Variants in MED23 observed in about 807,000 individuals in gnomAD.
MED23 encodes the protein mediator complex subunit 23, also known as mediator of RNA polymerase II transcription subunit 23.
A neutral mutation model predicts 163.9 loss-of-function variants in MED23; 105 were observed. The observed-to-expected ratio is 0.64, with a 90% CI of 0.55 to 0.75. The LOEUF is 0.75. Among genes scored for constraint, MED23 ranks in the 30% least tolerant of loss-of-function variants. The probability of loss-of-function intolerance (pLI) is 0.00; values close to 1 mark genes in which losing one functional copy is unlikely to be tolerated. For missense variants in MED23, 1,054 were observed against 1,649.0 expected, an observed-to-expected ratio of 0.64 and a Z score of 6.25; for synonymous variants, 561 against 565.6, an observed-to-expected ratio of 0.99 and a Z score of 0.12.
chr6:131,586,324 C>CG (rs1562364356), downstream of MED23, among the ~76,000 whole-genome samples: 1 of 151,046 alleles, frequency 6.6e-6, no homozygotes, highest in African/African-American at 2.4e-5. Context: ...GGCGTGAACC[C>CG]GGGAGGTGGA....
chr6:131,626,976 T>C (rs1777546439), intron 3 of MED23: 1 of 157,932 alleles, frequency 6.3e-6, no homozygotes, highest in African/African-American at 2.4e-5. Flanking sequence ...CCTATCCTTA[T>C]TATAGAATCT....
chr6:131,623,297 C>G (rs548409769), intron 5 of MED23, 54 bp downstream of exon 5: 3 of 1,410,374 alleles, frequency 2.1e-6, no homozygotes, highest in Non-Finnish European at 2.0e-6. Context: ...ACATGCACAC[C>G]GAAAAATCAA....
Position 131,602,347 on chromosome 6 carries a change from A to G in MED23, c.1966T>C (p.Leu656=). The change falls in exon 17 of 29, where the codon TTA becomes CTA. Residue 656 remains leucine (L), a synonymous_variant. Transcript: ENST00000368068. ...TGCGGTTGTACCTCTGAGCTACCTA[A>G]TGCTGTTATAAGCCTGAGAGCAGTG... The part of the protein sequence containing the change: ...ESTALRLITA[L]GSSEVQPQFT... 1 of 1,613,896 alleles carries G rather than the reference A, an allele frequency of 6.2e-7. No individual in the cohort carries two copies. The highest frequency in any genetic ancestry group is 1.1e-5 in the South Asian group (1 of 91,066).
At chr6:131,615,259 A>G in intron 10 of MED23, 1 of 1,576,816 alleles carries the variant, frequency 6.3e-7, no homozygotes. Flanking sequence ...TCTAAATGGA[A>G]TCAGTGGCTA....
intron 6 of MED23, among the ~76,000 whole-genome samples, chr6:131,620,963 C>T (rs1227643492): frequency 2.0e-5 from 3 of 151,936 alleles, no homozygotes; most frequent in South Asian, 4.2e-4. Flanking sequence ...CCAGCAGGCC[C>T]GGCTAACTTT....
chr6:131,602,195 T>C (rs1775535489), intron 17 of MED23, 23 bp downstream of exon 17: 4 of 1,611,402 alleles, frequency 2.5e-6, no homozygotes, highest in Non-Finnish European at 3.4e-6. Flanking sequence ...CTGTTGTTGT[T>C]TGTAGTCACA....
chr6:131,617,255 T>C (rs1206330720), intron 9 of MED23, among the ~76,000 whole-genome samples: 2 of 151,590 alleles, frequency 1.3e-5, no homozygotes, highest in African/African-American at 4.8e-5. Flanking sequence ...AGCATTTTGA[T>C]AGAGTCAATG....
chr6:131,596,713 T>A, intron 20 of MED23, 25 bp from the exon 21 acceptor site: 4 of 1,610,000 alleles, frequency 2.5e-6, no homozygotes, highest in Non-Finnish European at 3.4e-6. Context: ...AGAAAAATTA[T>A]ATGAAAATGT....
chr6:131,582,562 G>C (rs1486227990), downstream of MED23: 1 of 1,314,534 alleles, frequency 7.6e-7, no homozygotes, highest in African/African-American at 1.5e-5. Flanking sequence ...CTTTACCTTT[G>C]AATGTAGGAT....
chr6:131,591,853 T>G (rs1774665316), intron 25 of MED23: 1 of 292,876 alleles, frequency 3.4e-6, no homozygotes, highest in Non-Finnish European at 6.4e-6. Context: ...AAAATATGTG[T>G]GGAGGTCAGA....
rs201855475 is a variant in MED23 at position 131,602,206 on chromosome 6, T to C, written c.2095+12A>G. On this transcript the variant is annotated intron_variant, in intron 17 of 28. Coordinates refer to ENST00000368068, the MANE Select transcript of MED23 (RefSeq NM_004830.4). The stretch of plus-strand genomic sequence containing the variant: ...TCATCTGTTGTTGTTTGTAGTCACA[T>C]ATTCACCGTACCTGTTACATGAGTT... 6.4e-5 allele frequency: 104 copies of C among 1,613,282 alleles called. 1 individual carries two copies. The African/African-American group carries it at 1.1e-3, about 17-fold the overall frequency.
At chr6:131,581,187 C>T in intron 30 of MED23, 1 of 1,612,130 alleles carries the variant, frequency 6.2e-7, no homozygotes, top group Non-Finnish European at 8.5e-7. Context: ...CACTGCAAAC[C>T]TGATGTTCAC....
chr6:131,591,730 T>A, intron 25 of MED23: 1 of 617,224 alleles, frequency 1.6e-6, no homozygotes, highest in South Asian at 1.9e-5. Context: ...GCTCCATACA[T>A]GTATCTGTCC....
chr6:131,580,155 A>T (rs980675346), intron 30 of MED23, among the ~76,000 whole-genome samples: 3 of 152,190 alleles, frequency 2.0e-5, no homozygotes, highest in African/African-American at 7.2e-5. Flanking sequence ...ATTAGATCTA[A>T]AAGTAGAAAC....
rs1006128778 is a variant in MED23, at chr6:131,592,341, G to C, written c.3471+47C>G. Reference sequence around the variant, plus strand: ...TTTTTCTTTTTGCTGACATGGAACAGCTGGCTGTATTTCATCACTAAGTAC... The same window carrying C: ...TTTTTCTTTTTGCTGACATGGAACACCTGGCTGTATTTCATCACTAAGTAC... On this transcript the variant is annotated intron_variant, in intron 25 of 28. Coordinates refer to ENST00000368068, the MANE Select transcript of MED23 (RefSeq NM_004830.4). 3.9e-6 allele frequency: 6 copies of C among 1,531,980 alleles called. No homozygotes were observed. In the Admixed American group the frequency reaches 8.3e-5, roughly 21 times the overall value. 94.9% of individuals were successfully genotyped at this position (1,531,980 alleles called of 1,614,324 possible).
Position 131,627,624 on chromosome 6 carries a change from G to T in MED23, c.71+17C>A, listed in dbSNP as rs770452430. On this transcript the variant is annotated intron_variant, in intron 2 of 28. Coordinates refer to ENST00000368068, the MANE Select transcript of MED23 (RefSeq NM_004830.4). ...CAATCACATAAAAACACAAAACTCT[G>T]CCACGCATACACTCACCCAGGAAAA... 3.1e-6 allele frequency: 5 copies of T among 1,611,236 alleles called. No homozygotes were observed. Among genetic ancestry groups the T allele is most frequent in the Non-Finnish European group, 4.2e-6 (5 of 1,178,890 alleles).
Position 131,628,117 on chromosome 6 carries a change from A to G in MED23, c.-68T>C. ...CGGATCAGACTCGAGCTCTGGGAAT[A>G]TAGGGGCAGAGGGGCGGAGACCTCT... On this transcript the variant is annotated 5_prime_UTR_variant, in exon 1 of 29. Transcript: ENST00000368068. The G allele has an allele frequency of 1.3e-6, 2 of 1,578,468 alleles. No individual in the cohort carries two copies. Among genetic ancestry groups the G allele is most frequent in the South Asian group, 1.1e-5 (1 of 90,470 alleles).
intron 24 of MED23, 43 bp downstream of exon 24, chr6:131,592,963 A>G: frequency 6.2e-7 from 1 of 1,609,024 alleles, no homozygotes; most frequent in Non-Finnish European, 8.5e-7. Flanking sequence ...CATTCTATTT[A>G]CAAATAAACA....
chr6:131,624,805 A>G, intron 4 of MED23, 60 bp downstream of exon 4: 4 of 1,591,388 alleles, frequency 2.5e-6, no homozygotes, highest in Non-Finnish European at 2.6e-6. Context: ...AACCTCAACC[A>G]ATTTCCAATC....
Sources: gnomAD v4.1 joint callset for allele counts (sites outside exome capture counted in the v4.1 genomes callset) on GRCh38, gnomAD v4.1.1 for gene constraint, MANE v1.5 for transcripts, NCBI Gene and HGNC (gene_info 2026-07-23, HGNC 2026-07-21) for gene names.